CDC42BPA: variants seen among roughly 807,000 people sequenced by gnomAD.
CDC42BPA encodes serine/threonine-protein kinase MRCK alpha.
CDC42BPA carries 80 observed loss-of-function variants against 223.5 expected under a neutral mutation model. That is an observed-to-expected ratio of 0.36 (90% CI 0.30 to 0.43). The LOEUF is 0.43. CDC42BPA is among the 20% of genes least tolerant of loss of function. CDC42BPA has a pLI of 1.00. For missense variants in CDC42BPA, 1,743 were observed against 2,099.9 expected, an observed-to-expected ratio of 0.83 and a Z score of 3.32; for synonymous variants, 694 against 718.6, an observed-to-expected ratio of 0.97 and a Z score of 0.55.
chr1:227,238,348 A>AAAACAAAC (rs111842198), intron 2 of CDC42BPA, among the ~76,000 whole-genome samples: 22 of 151,432 alleles, frequency 1.5e-4, no homozygotes, highest in African/African-American at 3.4e-4. Flanking sequence ...TCTCATTAAA[A>AAAACAAAC]AAACAAACAA....
rs576155234 is a variant in CDC42BPA at position 227,253,793 on chromosome 1, A to G, written c.270+271T>C. Among the ~76,000 whole-genome samples, 3 of 152,262 alleles carry G rather than the reference A, an allele frequency of 2.0e-5. No homozygotes were observed. The South Asian group carries it at 6.2e-4, about 32-fold the overall frequency. ...AGACAGACCAACAGAACAAAAGAAG[A>G]GTCTAGAAACACACTCATATTTACA... On this transcript the variant is annotated intron_variant, in intron 2 of 36. Coordinates refer to ENST00000366766, the MANE Select transcript of CDC42BPA (RefSeq NM_001394014.1).
chr1:227,120,773 AT>A (rs1205073053), intron 11 of CDC42BPA, among the ~76,000 whole-genome samples: 6 of 152,036 alleles, frequency 3.9e-5, no homozygotes, highest in Non-Finnish European at 4.4e-5. Flanking sequence ...TGCTCTGGAT[AT>A]TTTCTGTTCT....
At chr1:227,168,497 G>GTTTTTTTTTTTTTGTTTT (rs1665488488) in intron 5 of CDC42BPA, among the ~76,000 whole-genome samples, 1 of 80,194 alleles carries the variant, frequency 1.2e-5, no homozygotes, top group Non-Finnish European at 2.4e-5. Context: ...CTTCCCTGGT[G>GTTTTTTTTTTTTTGTTTT]TTTTTTTTTT....
In CDC42BPA at chr1:227,144,574, C is replaced by CAA. The variant is rs57568297; in HGVS notation, c.1143+913_1143+914dup. Reference sequence around the variant, plus strand: ...TGGGAGACAGAGCGAGACTCTGTCTCAAAAAAAAAAAAAAAAAAAAAAAAA... The same window carrying CAA: ...TGGGAGACAGAGCGAGACTCTGTCTCAAAAAAAAAAAAAAAAAAAAAAAAAAA... On this transcript the variant is annotated intron_variant, in intron 8 of 36. Coordinates refer to ENST00000366766, the MANE Select transcript of CDC42BPA (RefSeq NM_001394014.1). Among the ~76,000 whole-genome samples the CAA allele has an allele frequency of 7.4e-4, 47 of 63,482 alleles. 2 individuals are homozygous for CAA. The East Asian group carries it at 7.7e-3, about 10-fold the overall frequency. 41.6% of individuals were successfully genotyped at this position (63,482 alleles called of 152,430 possible).
At chr1:227,213,776 C>T (rs568645977) in intron 2 of CDC42BPA, among the ~76,000 whole-genome samples, 196 of 151,966 alleles carry the variant, frequency 1.3e-3, no homozygotes, top group Non-Finnish European at 2.0e-3. Flanking sequence ...CATATACATA[C>T]GCATAGAGAG....
At chr1:227,196,725 A>T (rs1670823146) in intron 4 of CDC42BPA, among the ~76,000 whole-genome samples, 1 of 152,220 alleles carries the variant, frequency 6.6e-6, no homozygotes, top group South Asian at 2.1e-4. Context: ...TAGAGTTCAT[A>T]TGAGTTACTA....
intron 15 of CDC42BPA, among the ~76,000 whole-genome samples, chr1:227,097,852 G>A (rs937784043): frequency 6.6e-6 from 1 of 152,122 alleles, no homozygotes; most frequent in Non-Finnish European, 1.5e-5. Context: ...CCACCCCAAG[G>A]GAAGAATCAG....
chr1:227,313,235 A>G (rs1244963837), intron 1 of CDC42BPA, among the ~76,000 whole-genome samples: 2 of 152,214 alleles, frequency 1.3e-5, no homozygotes, highest in Non-Finnish European at 2.9e-5. Flanking sequence ...AGGGGTTAAC[A>G]GCACTAGTTC....
intron 22 of CDC42BPA, among the ~76,000 whole-genome samples, chr1:227,051,103 A>G (rs1673448806): frequency 6.6e-6 from 1 of 152,212 alleles, no homozygotes; most frequent in Non-Finnish European, 1.5e-5. Flanking sequence ...TCAAGTCAGA[A>G]CCTGACTACA....
rs150445934 is a variant in CDC42BPA at position 227,167,947 on chromosome 1, C to T, written c.600-7311G>A. On this transcript the variant is annotated intron_variant, in intron 5 of 36. Transcript: ENST00000366766. ...TTCTTCTGTTCTTTTTTTTTTTAGA[C>T]GGAGTCTCACTCTGTCACCCAGGCT... Among the ~76,000 whole-genome samples, 131 of 148,372 alleles carry T rather than the reference C, an allele frequency of 8.8e-4. 2 individuals carry two copies. The East Asian group carries it at 0.024, about 27-fold the overall frequency.
rs1670182273 is a variant in CDC42BPA at position 227,036,162 on chromosome 1, C to A, written c.3200-555G>T. Among the ~76,000 whole-genome samples the A allele has an allele frequency of 3.9e-5, 6 of 152,170 alleles. No homozygotes were observed. The South Asian group carries it at 1.2e-3, about 32-fold the overall frequency. ...TAACAATAGTTAACTTTATGGAGTG[C>A]TTTTTATTTTTCTATAACAATCTAA... is the stretch of plus-strand genomic sequence containing the variant. On this transcript the variant is annotated intron_variant, in intron 24 of 36. Transcript: ENST00000366766.
chr1:227,024,012 A>G (rs1304827760), intron 31 of CDC42BPA, among the ~76,000 whole-genome samples: 1 of 152,234 alleles, frequency 6.6e-6, no homozygotes, highest in African/African-American at 2.4e-5. Context: ...CTACATTAAA[A>G]TTAGTAACTT....
chr1:227,248,779 T>C (rs1681452537), intron 2 of CDC42BPA, among the ~76,000 whole-genome samples: 1 of 151,910 alleles, frequency 6.6e-6, no homozygotes, highest in South Asian at 2.1e-4. Flanking sequence ...TGAAAGAAAC[T>C]GAAGAGGACA....
At chr1:227,285,234 A>C (rs10495251) in intron 1 of CDC42BPA, among the ~76,000 whole-genome samples, 46,760 of 152,064 alleles carry the variant, frequency 0.31, 7,370 homozygotes, top group East Asian at 0.37. Flanking sequence ...ATTGGAATTA[A>C]CAGGGAAGCA....
chr1:227,242,154 G>A (rs1448854286), intron 2 of CDC42BPA, among the ~76,000 whole-genome samples: 1 of 151,584 alleles, frequency 6.6e-6, no homozygotes, highest in African/African-American at 2.4e-5. Context: ...ATCAATATTA[G>A]CCAAATATCA....
intron 21 of CDC42BPA, among the ~76,000 whole-genome samples, chr1:227,065,084 G>A (rs561885505): frequency 7.5e-6 from 1 of 133,668 alleles, no homozygotes; most frequent in East Asian, 2.0e-4. Context: ...GTGAGAGAGC[G>A]AGACTCCATC....
chr1:227,213,613 G>A (rs925010423), intron 2 of CDC42BPA, among the ~76,000 whole-genome samples: 3 of 152,024 alleles, frequency 2.0e-5, no homozygotes, highest in African/African-American at 7.2e-5. Flanking sequence ...AATAATGCAT[G>A]CAAAATTCCA....
chr1:227,012,611 A>G (rs901448849), intron 34 of CDC42BPA, among the ~76,000 whole-genome samples: 5 of 152,220 alleles, frequency 3.3e-5, no homozygotes, highest in Non-Finnish European at 7.4e-5. Flanking sequence ...ATTTGAATAA[A>G]TTAAAATATA....
intron 10 of CDC42BPA, among the ~76,000 whole-genome samples, chr1:227,132,820 G>A (rs1465630364): frequency 3.5e-4 from 52 of 147,178 alleles, no homozygotes; most frequent in African/African-American, 1.2e-3. Flanking sequence ...CTGCCCGGCC[G>A]CAACCCCGTC....
Sources: gnomAD v4.1 joint callset for allele counts (sites outside exome capture counted in the v4.1 genomes callset) on GRCh38, gnomAD v4.1.1 for gene constraint, MANE v1.5 for transcripts, NCBI Gene and HGNC (gene_info 2026-07-23, HGNC 2026-07-21) for gene names.